Variants in CXCL13 observed in about 807,000 individuals in gnomAD.
CXCL13 encodes C-X-C motif chemokine ligand 13.
A neutral mutation model predicts 12.2 loss-of-function variants in CXCL13; 7 were observed. The observed-to-expected ratio is 0.57, with a 90% CI of 0.33 to 1.07. The LOEUF (loss-of-function observed/expected upper bound fraction) is 1.07. Among genes scored for constraint, CXCL13 ranks in the 50% least tolerant of loss-of-function variants. CXCL13 has a pLI of 0.04. For synonymous variants in CXCL13, 47 were observed against 42.4 expected, an observed-to-expected ratio of 1.11 and a Z score of -0.42; for missense variants, 113 against 127.4, an observed-to-expected ratio of 0.89 and a Z score of 0.55.
intron 1 of CXCL13, among the ~76,000 whole-genome samples, chr4:77,574,791 G>A (rs1726167159): frequency 1.3e-5 from 2 of 151,812 alleles, no homozygotes; most frequent in South Asian, 2.1e-4. Flanking sequence ...ATAACAAGGA[G>A]CTCTAATTAA....
At chr4:77,581,746 G>A (rs1003940850) in intron 1 of CXCL13, among the ~76,000 whole-genome samples, 6 of 152,052 alleles carry the variant, frequency 3.9e-5, no homozygotes, top group Non-Finnish European at 1.5e-5. Context: ...TCCCCCATTA[G>A]CCTATAGACC....
chr4:77,541,008 T>C (rs1298999154), intron 1 of CXCL13, among the ~76,000 whole-genome samples: 1 of 152,148 alleles, frequency 6.6e-6, no homozygotes, highest in Non-Finnish European at 1.5e-5. Context: ...GATGATGTGA[T>C]GTTGAACATT....
intron 1 of CXCL13, among the ~76,000 whole-genome samples, chr4:77,596,016 T>C (rs1726741729): frequency 6.6e-6 from 1 of 152,188 alleles, no homozygotes; most frequent in Non-Finnish European, 1.5e-5. Context: ...AATGGGGAAT[T>C]AACCACTCCC....
rs1725452980 is a variant in CXCL13, at chr4:77,549,368, T to G, written c.-43+37580T>G. On this transcript the variant is annotated intron_variant, in intron 1 of 4. Transcript: ENST00000286758. ...ATCAAAGTCATCCTCCATCCAGCTT[T>G]GTTCCATTGCTGGCAAAGAGCTGCC... 2.0e-5 allele frequency among the ~76,000 whole-genome samples: 3 copies of G among 152,236 alleles called. No homozygotes were observed. In the South Asian group the frequency reaches 6.2e-4, roughly 32 times the overall value.
intron 1 of CXCL13, among the ~76,000 whole-genome samples, chr4:77,520,643 C>G (rs1234370225): frequency 6.6e-6 from 1 of 152,188 alleles, no homozygotes; most frequent in African/African-American, 2.4e-5. Flanking sequence ...TCTAAATATA[C>G]AATCATATCA....
chr4:77,523,689 C>G (rs541656840), intron 1 of CXCL13, among the ~76,000 whole-genome samples: 1 of 152,148 alleles, frequency 6.6e-6, no homozygotes, highest in Admixed American at 6.5e-5. Context: ...TTGTTATTAC[C>G]GATTTCTGAA....
At chr4:77,515,686 A>C (rs1431649212) in intron 1 of CXCL13, among the ~76,000 whole-genome samples, 1 of 151,270 alleles carries the variant, frequency 6.6e-6, no homozygotes. Context: ...GAAGTTGCTT[A>C]TCAGCTTAAG....
At chr4:77,595,103 T>A (rs1397314614) in intron 1 of CXCL13, among the ~76,000 whole-genome samples, 27 of 151,478 alleles carry the variant, frequency 1.8e-4, no homozygotes, top group Non-Finnish European at 3.7e-4. Context: ...AGGTGATTTT[T>A]TTTTTTTTTT....
In CXCL13 at chr4:77,611,146, A is replaced by G; in HGVS notation, c.*107A>G. The G allele has an allele frequency of 4.3e-6, 4 of 939,446 alleles. No individual in the cohort carries two copies. 58.2% of individuals were successfully genotyped at this position (939,446 alleles called of 1,614,324 possible). On this transcript the variant is annotated 3_prime_UTR_variant, in exon 4 of 4. Coordinates refer to ENST00000682537, the MANE Select transcript of CXCL13 (RefSeq NM_001371558.1). ...TCCAGGAAAAAGAACTTCCCCATAC[A>G]AATAAGCATGAGACTATGTAAAAAT...
chr4:77,552,631 C>T (rs1272708044), intron 1 of CXCL13, among the ~76,000 whole-genome samples: 3 of 152,194 alleles, frequency 2.0e-5, no homozygotes, highest in Admixed American at 6.5e-5. Context: ...CCTACAGGTC[C>T]CCTGATGGCA....
At chr4:77,551,353 G>T (rs1725512551) in intron 1 of CXCL13, among the ~76,000 whole-genome samples, 1 of 152,172 alleles carries the variant, frequency 6.6e-6, no homozygotes. Flanking sequence ...GTCTGGAAAA[G>T]GATTTTATTT....
chr4:77,575,198 C>T (rs1310502607), intron 1 of CXCL13, among the ~76,000 whole-genome samples: 1 of 151,774 alleles, frequency 6.6e-6, no homozygotes, highest in Admixed American at 6.5e-5. Flanking sequence ...AATGTTTTTG[C>T]TTTTTTAAAA....
Position 77,611,000 on chromosome 4 carries a change from A to G in CXCL13, c.291A>G (p.Ser97=). ...TTCTGCTTCACAGAAGAAGTTCTTC[A>G]ACTCTACCAGTTCCAGTGTTTAAGA... ...MMEVLRKRSS[S]TLPVPVFKRK... The change falls in exon 4 of 4, where the codon TCA becomes TCG. Residue 97 remains serine, a synonymous_variant. Transcript: ENST00000682537. 1 of 1,611,116 alleles carries G rather than the reference A, an allele frequency of 6.2e-7. No individual in the cohort carries two copies. The highest frequency in any genetic ancestry group is 8.5e-7 in the Non-Finnish European group (1 of 1,179,604).
chr4:77,589,778 C>A (rs3098855), intron 1 of CXCL13, among the ~76,000 whole-genome samples: 55,728 of 152,038 alleles, frequency 0.37, 12,472 homozygotes, highest in African/African-American at 0.62. Flanking sequence ...TGGACATTGA[C>A]AGATACTCAT....
At chr4:77,592,301 A>T (rs1331008987) in intron 1 of CXCL13, among the ~76,000 whole-genome samples, 1 of 152,256 alleles carries the variant, frequency 6.6e-6, no homozygotes, top group African/African-American at 2.4e-5. Context: ...GGATACACTT[A>T]GTTATGCTAA....
chr4:77,570,693 C>T (rs984692478), intron 1 of CXCL13, among the ~76,000 whole-genome samples: 6 of 151,958 alleles, frequency 3.9e-5, no homozygotes, highest in East Asian at 2.0e-4. Context: ...ACTGGGGCTG[C>T]GCGCAGCGCT....
At chr4:77,594,071 A>G (rs144619965) in intron 1 of CXCL13, among the ~76,000 whole-genome samples, 2 of 152,244 alleles carry the variant, frequency 1.3e-5, no homozygotes, top group East Asian at 3.9e-4. Flanking sequence ...AAAAAGTGAC[A>G]TTTGCCTCTT....
chr4:77,558,144 T>TA (rs539741102), intron 1 of CXCL13, among the ~76,000 whole-genome samples: 3 of 152,236 alleles, frequency 2.0e-5, no homozygotes, highest in African/African-American at 4.8e-5. Flanking sequence ...TTCTTGTTTA[T>TA]AAAAAATGGC....
rs139419287 is a variant in CXCL13 at position 77,574,047 on chromosome 4, G to C, written c.-42-31777G>C. ...TGCTTAAAAGCCAGAGGTGTTGGCT[G>C]TTTGTCCTAGCTAGAGTCTGGTAAT... On this transcript the variant is annotated intron_variant, in intron 1 of 4. Coordinates refer to the CXCL13 transcript ENST00000286758. 3.0e-3 allele frequency among the ~76,000 whole-genome samples: 463 copies of C among 152,044 alleles called. 15 individuals carry two copies. Among genetic ancestry groups the C allele is most frequent in the African/African-American group, 0.011 (442 of 41,320 alleles).
Sources: allele counts gnomAD v4.1 joint callset (sites outside exome capture counted in the v4.1 genomes callset), GRCh38; gene constraint gnomAD v4.1.1; transcripts MANE v1.5; gene names NCBI Gene and HGNC (gene_info 2026-07-23, HGNC 2026-07-21).